The following NTM variants were observed in gnomAD, a reference collection of about 807,000 sequenced individuals.
The protein encoded by NTM is IgLON family member 2.
In NTM, 13 loss-of-function variants were observed where a neutral mutation model predicts 42.1. The ratio of observed to expected loss-of-function variants is 0.31; its 90% CI spans 0.20 to 0.49. The LOEUF is 0.49. Ranked by LOEUF, NTM falls within the 20% of genes least tolerant of loss-of-function variation. The probability of loss-of-function intolerance (pLI) is 0.99; values close to 1 mark genes in which losing one functional copy is unlikely to be tolerated. For synonymous variants in NTM, 187 were observed against 179.2 expected (o/e 1.04, Z -0.35); for missense variants, 373 against 452.8 (o/e 0.82, Z 1.60).
chr11:131,898,871 C>A (rs573452057), intron 1 of NTM, among the ~76,000 whole-genome samples: 5 of 152,290 alleles, frequency 3.3e-5, no homozygotes, highest in African/African-American at 1.2e-4. Flanking sequence ...TTGAGGCCAA[C>A]GCTGTGGAGC....
At chr11:131,984,732 C>T (rs1410939166) in intron 2 of NTM, 1 of 152,046 alleles carries the variant, frequency 6.6e-6, no homozygotes, top group Non-Finnish European at 1.5e-5. Context: ...TAAGCTTCTT[C>T]CCTATTTATT....
intron 4 of NTM, among the ~76,000 whole-genome samples, chr11:132,258,930 C>A (rs1261406906): frequency 6.6e-6 from 1 of 152,156 alleles, no homozygotes. Flanking sequence ...CAGCAAACAC[C>A]CAATAGTTCT....
intron 1 of NTM, among the ~76,000 whole-genome samples, chr11:131,598,531 T>C (rs1034269550): frequency 1.3e-5 from 2 of 152,142 alleles, no homozygotes; most frequent in Non-Finnish European, 2.9e-5. Flanking sequence ...GTGTGTCACA[T>C]GTGTGCACTC....
intron 2 of NTM, among the ~76,000 whole-genome samples, chr11:131,961,337 A>G (rs1454040025): frequency 6.6e-6 from 1 of 152,180 alleles, no homozygotes; most frequent in Non-Finnish European, 1.5e-5. Context: ...GTGGGAGGAC[A>G]TGAGGGAAAA....
chr11:132,106,466 C>A (rs975382854), intron 2 of NTM, among the ~76,000 whole-genome samples: 1 of 152,204 alleles, frequency 6.6e-6, no homozygotes, highest in Non-Finnish European at 1.5e-5. Flanking sequence ...AAACTCTCCG[C>A]AGGAAGCAAT....
chr11:132,149,899 A>AT (rs2071470559), intron 3 of NTM, among the ~76,000 whole-genome samples: 1 of 152,176 alleles, frequency 6.6e-6, no homozygotes, highest in Non-Finnish European at 1.5e-5. Context: ...AACATTTAAA[A>AT]TTTACTTCTT....
At chr11:132,279,975 C>G (rs992703791) in intron 4 of NTM, among the ~76,000 whole-genome samples, 1 of 152,144 alleles carries the variant, frequency 6.6e-6, no homozygotes, top group East Asian at 1.9e-4. Flanking sequence ...TACTATATGC[C>G]GGTTACTGTT....
At position 132,012,505 on chromosome 11, in the gene NTM, A is replaced by G. The variant is rs1030956949; in HGVS notation, c.167+100857A>G. On this transcript the variant is annotated intron_variant, in intron 2 of 8. Coordinates refer to ENST00000683400, the MANE Select transcript of NTM (RefSeq NM_001352005.2). ...TAAACAGACGTCTGAAGATGAAAGC[A>G]TATGATGATAAAGAAGACGTATAAG... Among the ~76,000 whole-genome samples the G allele has an allele frequency of 3.9e-5, 6 of 152,282 alleles. No individual in the cohort carries two copies. The East Asian group carries it at 9.7e-4, about 25-fold the overall frequency.
intron 1 of NTM, among the ~76,000 whole-genome samples, chr11:131,806,131 T>C (rs2092469156): frequency 6.6e-6 from 1 of 152,180 alleles, no homozygotes; most frequent in Non-Finnish European, 1.5e-5. Flanking sequence ...TTTTAAAAGG[T>C]GGCCAATGAG....
chr11:131,848,198 C>T (rs1190046673), intron 1 of NTM, among the ~76,000 whole-genome samples: 2 of 152,118 alleles, frequency 1.3e-5, no homozygotes, highest in Admixed American at 1.3e-4. Flanking sequence ...TTTTCTTCCT[C>T]TAATAAAAAT....
chr11:131,789,637 AAGAAGAAGAAGAAGAAGAAGAAGAAGAAG>A lies in NTM; in HGVS notation c.83-121925_83-121897del, dbSNP rs1565553128. On this transcript the variant is annotated intron_variant, in intron 1 of 8. Transcript: ENST00000683400. ...AGAAGAAGAAGAAGAAGAAGAAGAA[AAGAAGAAGAAGAAGAAGAAGAAGAAGAAG>A]AAAGCATGGGCCGGGGGCGGTGGCT... 5.8e-3 allele frequency among the ~76,000 whole-genome samples: 141 copies of A among 24,386 alleles called. 1 individual carries two copies. The highest frequency in any genetic ancestry group is 0.018 in the African/African-American group (129 of 7,174). 16.0% of individuals were successfully genotyped at this position (24,386 alleles called of 152,430 possible).
rs78076704 is a variant in NTM, at chr11:132,170,102, C to T, written c.400+23588C>T. On this transcript the variant is annotated intron_variant, in intron 3 of 8. Transcript: ENST00000683400. ...GCTGTGAGCCAAGTGCTGACTGAGC[C>T]GGGATAGCCACATCAGGTGCTGTTG... is the stretch of plus-strand genomic sequence containing the variant. Among the ~76,000 whole-genome samples the T allele has an allele frequency of 9.9e-3, 1,502 of 152,210 alleles. 21 individuals are homozygous for T. The highest frequency in any genetic ancestry group is 0.034 in the African/African-American group (1,407 of 41,514).
chr11:132,035,795 T>A (rs1306769685), intron 2 of NTM, among the ~76,000 whole-genome samples: 1 of 152,172 alleles, frequency 6.6e-6, no homozygotes, highest in Admixed American at 6.5e-5. Flanking sequence ...GTAATGGATG[T>A]CTTGCTCTAG....
chr11:131,440,194 T>A (rs1949499482), intron 1 of NTM, among the ~76,000 whole-genome samples: 1 of 152,124 alleles, frequency 6.6e-6, no homozygotes, highest in African/African-American at 2.4e-5. Context: ...CTTAAAAAAA[T>A]TTAACCTATA....
intron 1 of NTM, among the ~76,000 whole-genome samples, chr11:131,579,270 A>G (rs752328007): frequency 3.3e-5 from 5 of 152,146 alleles, no homozygotes; most frequent in Non-Finnish European, 7.3e-5. Flanking sequence ...AAAAGAAGAC[A>G]GAGAGAAAAC....
rs554149608 is a variant in NTM at position 132,070,842 on chromosome 11, C to G, written c.168-75440C>G. ...AACACGTCACACAGCCAAGTTAACA[C>G]GTCACACTGACCATCACAGGTTAGT... On this transcript the variant is annotated intron_variant, in intron 2 of 8. Transcript: ENST00000683400. 8.4e-5 allele frequency among the ~76,000 whole-genome samples: 12 copies of G among 142,574 alleles called. 1 individual carries two copies. Among genetic ancestry groups the G allele is most frequent in the African/African-American group, 3.1e-4 (12 of 38,616 alleles). The allele number at this position is 142,574 out of a possible 152,430, so 93.5% of individuals were successfully genotyped here.
Position 131,456,157 on chromosome 11 carries a change from G to A in NTM, c.82+85269G>A, listed in dbSNP as rs1950871869. On this transcript the variant is annotated intron_variant, in intron 1 of 8. Coordinates refer to ENST00000683400, the MANE Select transcript of NTM (RefSeq NM_001352005.2). ...GCACTAGGCATAAGTTGATTAAGGA[G>A]CTGGCAAGCTCTGACTGGTGAGTGA... Among the ~76,000 whole-genome samples the A allele has an allele frequency of 2.6e-5, 4 of 152,198 alleles. No individual in the cohort carries two copies. The South Asian group carries it at 8.3e-4, about 32-fold the overall frequency.
intron 2 of NTM, among the ~76,000 whole-genome samples, chr11:131,990,887 G>C (rs2066899406): frequency 6.6e-6 from 1 of 151,984 alleles, no homozygotes; most frequent in Non-Finnish European, 1.5e-5. Context: ...ATCTCATTTT[G>C]ACTCTTAGTC....
intron 4 of NTM, among the ~76,000 whole-genome samples, chr11:132,281,817 A>G (rs544369580): frequency 1.3e-5 from 2 of 152,214 alleles, no homozygotes; most frequent in South Asian, 2.1e-4. Flanking sequence ...TATGAGTACT[A>G]TCAAAAATTG....
Sources: gnomAD v4.1 joint callset for allele counts (sites outside exome capture counted in the v4.1 genomes callset) on GRCh38, gnomAD v4.1.1 for gene constraint, MANE v1.5 for transcripts, NCBI Gene and HGNC (gene_info 2026-07-23, HGNC 2026-07-21) for gene names.